NUFIP1: variants seen among roughly 807,000 people sequenced by gnomAD.
NUFIP1 encodes the protein nuclear FMR1 interacting protein 1.
NUFIP1 carries 38 observed loss-of-function variants against 56.2 expected under a neutral mutation model. The ratio of observed to expected loss-of-function variants is 0.68; its 90% confidence interval spans 0.52 to 0.89. The LOEUF (loss-of-function observed/expected upper bound fraction) is 0.89, where lower values mean the gene tolerates loss of function less well. Ranked by LOEUF, NUFIP1 falls within the 40% of genes least tolerant of loss-of-function variation. The pLI is 0.00. For synonymous variants in NUFIP1, 215 were observed against 212.4 expected (o/e 1.01, Z -0.10); for missense variants, 567 against 605.8 (o/e 0.94, Z 0.67).
intron 1 of NUFIP1, among the ~76,000 whole-genome samples, chr13:44,985,109 T>C (rs1872336916): frequency 6.6e-6 from 1 of 152,248 alleles, no homozygotes; most frequent in Non-Finnish European, 1.5e-5. Flanking sequence ...TTAACACTCT[T>C]GTAGCTTGAA....
chr13:44,989,389 CGCA>C lies in NUFIP1; in HGVS notation c.45_47del (p.His15_Ala16delinsGln), dbSNP rs766265963. The C allele has an allele frequency of 2.3e-5, 37 of 1,613,460 alleles. No homozygotes were observed. In the African/African-American group the frequency reaches 4.7e-4, roughly 20 times the overall value. ...CTAACGTGGGAGTCAGCTCGGGAGA[CGCA>C]TGCCACCCGATAGGAGTCTCGAAAT... On this transcript the variant is annotated inframe_deletion, in exon 1 of 10. Coordinates refer to ENST00000379161, the MANE Select transcript of NUFIP1 (RefSeq NM_012345.3).
intron 7 of NUFIP1, among the ~76,000 whole-genome samples, chr13:44,958,048 T>C (rs1440586657): frequency 6.6e-6 from 1 of 152,200 alleles, no homozygotes; most frequent in East Asian, 1.9e-4. Flanking sequence ...AAGAGTACAC[T>C]CAGCACTGGC....
At chr13:44,941,433 A>G (rs987351028) in intron 9 of NUFIP1, 111 bp from the exon 10 acceptor site, 1 of 588,490 alleles carries the variant, frequency 1.7e-6, no homozygotes, top group African/African-American at 1.9e-5. Flanking sequence ...ACAATAAGAA[A>G]TATGTATTAT....
chr13:44,945,545 C>A (rs951437477), intron 8 of NUFIP1, among the ~76,000 whole-genome samples: 9 of 151,972 alleles, frequency 5.9e-5, no homozygotes, highest in African/African-American at 2.2e-4. Flanking sequence ...TAATATCCCT[C>A]ATGAACATGT....
At chr13:44,944,933 C>G (rs1266321718) in intron 8 of NUFIP1, among the ~76,000 whole-genome samples, 2 of 151,984 alleles carry the variant, frequency 1.3e-5, no homozygotes, top group Admixed American at 6.5e-5. Context: ...TTATGGCTTT[C>G]AATGCTTAAA....
chr13:44,975,383 G>A (rs1871936110), intron 5 of NUFIP1, among the ~76,000 whole-genome samples: 1 of 152,068 alleles, frequency 6.6e-6, no homozygotes, highest in East Asian at 1.9e-4. Flanking sequence ...TCCTCTTCCA[G>A]TGTTCCCCAC....
intron 1 of NUFIP1, among the ~76,000 whole-genome samples, chr13:44,984,282 T>A (rs1327067349): frequency 1.3e-5 from 2 of 152,222 alleles, no homozygotes; most frequent in Non-Finnish European, 2.9e-5. Context: ...TTTTGATTCA[T>A]ACTTATAACA....
intron 9 of NUFIP1, among the ~76,000 whole-genome samples, chr13:44,942,135 T>A (rs979072433): frequency 1.3e-5 from 2 of 152,176 alleles, no homozygotes; most frequent in Non-Finnish European, 2.9e-5. Flanking sequence ...CCCAAATTCA[T>A]AAGCAGTCTA....
At chr13:44,984,843 A>G (rs1347826153) in intron 1 of NUFIP1, among the ~76,000 whole-genome samples, 1 of 152,026 alleles carries the variant, frequency 6.6e-6, no homozygotes, top group Non-Finnish European at 1.5e-5. Flanking sequence ...ATATCTCCTA[A>G]TGCTATACCT....
In NUFIP1 at chr13:44,941,099, T is replaced by C. The variant is rs1375966988; in HGVS notation, c.*107A>G. On this transcript the variant is annotated 3_prime_UTR_variant, in exon 10 of 10. Coordinates refer to ENST00000379161, the MANE Select transcript of NUFIP1 (RefSeq NM_012345.3). ...CATACATCCTACGAGGCTTACAATT[T>C]AATTACAAATCCAATTTTGACGGAA... 1.6e-6 allele frequency: 1 copy of C among 624,108 alleles called. No homozygotes were observed. Among genetic ancestry groups the C allele is most frequent in the Non-Finnish European group, 2.9e-6 (1 of 349,934 alleles). 38.7% of individuals were successfully genotyped at this position (624,108 alleles called of 1,614,324 possible).
chr13:44,986,333 G>A (rs917838806), intron 1 of NUFIP1, among the ~76,000 whole-genome samples: 3 of 152,162 alleles, frequency 2.0e-5, no homozygotes, highest in Non-Finnish European at 2.9e-5. Context: ...ACGATTTTGA[G>A]GAATTCAAGA....
At chr13:44,967,830 T>C (rs1871662580) in intron 5 of NUFIP1, among the ~76,000 whole-genome samples, 1 of 151,934 alleles carries the variant, frequency 6.6e-6, no homozygotes, top group African/African-American at 2.4e-5. Flanking sequence ...ATTCTAGGAG[T>C]ATAAAAAACA....
At chr13:44,942,704 T>C (rs931410113) in intron 9 of NUFIP1, among the ~76,000 whole-genome samples, 4 of 152,324 alleles carry the variant, frequency 2.6e-5, no homozygotes, top group Admixed American at 6.5e-5. Flanking sequence ...TGAAGATGCA[T>C]TGCTTCCTCT....
chr13:44,967,670 G>A (rs1871655458), intron 5 of NUFIP1, among the ~76,000 whole-genome samples: 1 of 152,178 alleles, frequency 6.6e-6, no homozygotes, highest in African/African-American at 2.4e-5. Flanking sequence ...GTGATAGAGA[G>A]CCACAGAAAG....
chr13:44,947,065 T>C (rs1870921553), intron 8 of NUFIP1, among the ~76,000 whole-genome samples: 1 of 152,152 alleles, frequency 6.6e-6, no homozygotes, highest in Non-Finnish European at 1.5e-5. Context: ...ACAGATAATA[T>C]CCTTTGTTAT....
chr13:44,966,170 T>A (rs1003500780), intron 5 of NUFIP1, among the ~76,000 whole-genome samples: 1 of 152,200 alleles, frequency 6.6e-6, no homozygotes, highest in African/African-American at 2.4e-5. Context: ...ACTAGACAAG[T>A]GTACACTGGA....
intron 8 of NUFIP1, among the ~76,000 whole-genome samples, chr13:44,947,301 C>A (rs975069595): frequency 7.2e-6 from 1 of 138,800 alleles, no homozygotes; most frequent in East Asian, 2.1e-4. Flanking sequence ...TGCAGTGGTG[C>A]GATCTTGGCT....
intron 5 of NUFIP1, among the ~76,000 whole-genome samples, chr13:44,975,390 C>G (rs953789379): frequency 1.3e-5 from 2 of 152,108 alleles, no homozygotes; most frequent in Non-Finnish European, 2.9e-5. Flanking sequence ...CCAGTGTTCC[C>G]CACCTCAGTA....
chr13:44,981,350 A>G (rs1872182239), intron 2 of NUFIP1, among the ~76,000 whole-genome samples: 1 of 152,298 alleles, frequency 6.6e-6, no homozygotes, highest in East Asian at 1.9e-4. Context: ...AAGTATGTCA[A>G]GAAGGTATAA....
Sources: gnomAD v4.1 joint callset for allele counts (sites outside exome capture counted in the v4.1 genomes callset) on GRCh38, gnomAD v4.1.1 for gene constraint, MANE v1.5 for transcripts, NCBI Gene and HGNC (gene_info 2026-07-23, HGNC 2026-07-21) for gene names.